Variants in ADAMTS6 observed in about 807,000 individuals in gnomAD.
The protein encoded by ADAMTS6 is A disintegrin and metalloproteinase with thrombospondin motifs 6.
Under a neutral mutation model 144.3 loss-of-function variants are expected in ADAMTS6, and 23 were observed. The observed-to-expected ratio is 0.16, with a 90% CI of 0.11 to 0.23. The LOEUF (loss-of-function observed/expected upper bound fraction) is 0.23. Among genes scored for constraint, ADAMTS6 ranks in the 10% least tolerant of loss-of-function variants. ADAMTS6 has a pLI of 1.00. For missense variants in ADAMTS6, 999 were observed against 1,379.6 expected, an observed-to-expected ratio of 0.72 and a Z score of 4.37; for synonymous variants, 444 against 457.5, an observed-to-expected ratio of 0.97 and a Z score of 0.38.
At chr5:65,377,890 C>T (rs948494393) in intron 7 of ADAMTS6, among the ~76,000 whole-genome samples, 28 of 152,156 alleles carry the variant, frequency 1.8e-4, no homozygotes, top group African/African-American at 6.8e-4. Context: ...AAGGGAGAAT[C>T]CTTCCTTGCC....
At chr5:65,419,135 A>G (rs547960551) in intron 7 of ADAMTS6, among the ~76,000 whole-genome samples, 1 of 152,338 alleles carries the variant, frequency 6.6e-6, no homozygotes, top group African/African-American at 2.4e-5. Context: ...TAGCAAAGAC[A>G]TGTTATCAAC....
intron 18 of ADAMTS6, among the ~76,000 whole-genome samples, chr5:65,217,717 T>C (rs1431792956): frequency 6.6e-6 from 1 of 152,164 alleles, no homozygotes; most frequent in East Asian, 1.9e-4. Context: ...TTTTAAAAGC[T>C]TTAAGAGAAA....
chr5:65,152,585 GTCT>G (rs961051258), intron 24 of ADAMTS6, among the ~76,000 whole-genome samples: 5 of 152,222 alleles, frequency 3.3e-5, no homozygotes, highest in African/African-American at 1.2e-4. Flanking sequence ...GTGAGACATG[GTCT>G]TCTTTTTTCC....
chr5:65,214,154 T>G lies in ADAMTS6; in HGVS notation c.2575+640A>C. On this transcript the variant is annotated intron_variant, in intron 20 of 24. Coordinates refer to ENST00000381055, the MANE Select transcript of ADAMTS6 (RefSeq NM_197941.4). This position sits in a 1 kb window ranked among gnomAD's most constrained non-coding sequence, Gnocchi z 4.6. ...AGAGGGAGGAGGATTAGGAATAGAG[T>G]AAATTGTAGGGAAAAGGCACCCATG... 5.7e-6 allele frequency: 1 copy of G among 175,458 alleles called. No homozygotes were observed. The highest frequency in any genetic ancestry group is 5.9e-5 in the Admixed American group (1 of 16,962). 10.9% of individuals were successfully genotyped at this position (175,458 alleles called of 1,614,324 possible). A position where few individuals can be genotyped will look rare whatever the true frequency, so the allele number is the denominator to read the frequency against.
rs1755427124 is a variant in ADAMTS6, at chr5:65,196,963, C to T, written c.2705+59G>A. On this transcript the variant is annotated intron_variant, in intron 21 of 24. Coordinates refer to ENST00000381055, the MANE Select transcript of ADAMTS6 (RefSeq NM_197941.4). Reference sequence around the variant, plus strand: ...ATAAATATATTTCCAAACATGAATACATAATGTTTTTCTCTTTGCACCTGA... The same window carrying T: ...ATAAATATATTTCCAAACATGAATATATAATGTTTTTCTCTTTGCACCTGA... 25 of 1,566,224 alleles carry T rather than the reference C, an allele frequency of 1.6e-5. No homozygotes were observed. The South Asian group carries it at 2.9e-4, about 18-fold the overall frequency.
intron 9 of ADAMTS6, among the ~76,000 whole-genome samples, chr5:65,320,062 C>T (rs770463732): frequency 2.6e-5 from 4 of 152,106 alleles, no homozygotes; most frequent in Admixed American, 6.5e-5. Context: ...AGGCTGGTCT[C>T]GAACTCCCCA....
At chr5:65,349,247 G>T (rs768208489) in intron 7 of ADAMTS6, among the ~76,000 whole-genome samples, 1 of 152,044 alleles carries the variant, frequency 6.6e-6, no homozygotes, top group Admixed American at 6.5e-5. Context: ...CTGCTAGGCA[G>T]TACCTTGGAA....
chr5:65,338,471 C>T (rs1747512785), intron 7 of ADAMTS6, among the ~76,000 whole-genome samples: 1 of 152,268 alleles, frequency 6.6e-6, no homozygotes, highest in Non-Finnish European at 1.5e-5. Flanking sequence ...CTAGGCATGG[C>T]TATCAGAAGA....
At chr5:65,188,328 A>T (rs1028963328) in intron 21 of ADAMTS6, 108 bp from the exon 22 acceptor site, 1 of 1,021,602 alleles carries the variant, frequency 9.8e-7, no homozygotes, top group Admixed American at 2.0e-5. Flanking sequence ...TGACATTTCA[A>T]TGTTGGTTAA....
chr5:65,467,260 G>GA (rs917284553), intron 3 of ADAMTS6, among the ~76,000 whole-genome samples: 3 of 151,864 alleles, frequency 2.0e-5, no homozygotes, highest in Non-Finnish European at 4.4e-5. Flanking sequence ...CAGGGAGGAA[G>GA]AAAAAATTAA....
intron 9 of ADAMTS6, among the ~76,000 whole-genome samples, chr5:65,320,663 C>T (rs1359865117): frequency 6.6e-6 from 1 of 151,722 alleles, no homozygotes; most frequent in Non-Finnish European, 1.5e-5. Flanking sequence ...CTAATACATC[C>T]AGGTTTAAAA....
intron 7 of ADAMTS6, among the ~76,000 whole-genome samples, chr5:65,342,662 C>A (rs773115248): frequency 2.0e-4 from 30 of 152,258 alleles, no homozygotes; most frequent in Non-Finnish European, 3.5e-4. Context: ...TGCATATTCT[C>A]ACCACTCTTG....
chr5:65,404,445 T>A (rs1006118573), intron 7 of ADAMTS6, among the ~76,000 whole-genome samples: 7 of 152,204 alleles, frequency 4.6e-5, no homozygotes, highest in Admixed American at 1.3e-4. Context: ...GGTTTCCAGC[T>A]TCATCCATGT....
At chr5:65,152,070 C>T (rs1243252620) in intron 24 of ADAMTS6, 125 bp from the exon 25 acceptor site, 6 of 689,884 alleles carry the variant, frequency 8.7e-6, no homozygotes, top group Non-Finnish European at 1.5e-5. Flanking sequence ...CTTCGACCTC[C>T]ATGTGGTTTT....
rs1473760947 is a variant in ADAMTS6, at chr5:65,225,159, A to G, written c.2068-112T>C. 5.6e-6 allele frequency: 7 copies of G among 1,245,732 alleles called. No homozygotes were observed. The African/African-American group carries it at 1.1e-4, about 19-fold the overall frequency. The allele number at this position is 1,245,732 out of a possible 1,614,324, so 77.2% of individuals were successfully genotyped here. On this transcript the variant is annotated intron_variant, in intron 16 of 24. Transcript: ENST00000381055. ...TTGTTTTTCCAGTAAAGAAAAGAAAAATAAGGTAATCCGTGAATAAAAACC... is the reference window on the plus strand; with the variant it reads ...TTGTTTTTCCAGTAAAGAAAAGAAAGATAAGGTAATCCGTGAATAAAAACC...
At chr5:65,379,548 C>A (rs1441616798) in intron 7 of ADAMTS6, among the ~76,000 whole-genome samples, 1 of 152,174 alleles carries the variant, frequency 6.6e-6, no homozygotes, top group Non-Finnish European at 1.5e-5. Context: ...TGTGCATATT[C>A]TGTTATGCTT....
intron 18 of ADAMTS6, among the ~76,000 whole-genome samples, chr5:65,220,172 T>C (rs1207874471): frequency 6.6e-6 from 1 of 152,080 alleles, no homozygotes; most frequent in East Asian, 1.9e-4. Context: ...ACAATTAAAC[T>C]AGAAATCAGT....
chr5:65,471,032 T>G lies in ADAMTS6; in HGVS notation c.208A>C (p.Arg70=), dbSNP rs146636694. ...TVKNDKHSRR[R]RSMDPIDPQQ... ...GGATCAATAGGGTCCATACTCCGTC[T>G]TCTCCTTGAGTGTTTATCATTTTTC... is the stretch of plus-strand genomic sequence containing the variant. The change falls in exon 3 of 25, where the codon AGA becomes CGA. Residue 70 remains arginine (R), a synonymous_variant. Coordinates refer to ENST00000381055, the MANE Select transcript of ADAMTS6 (RefSeq NM_197941.4). The G allele has an allele frequency of 1.2e-3, 1,906 of 1,612,608 alleles. 40 individuals are homozygous for G. In the East Asian group the frequency reaches 0.033, roughly 28 times the overall value.
chr5:65,304,096 T>C (rs1743712027), intron 9 of ADAMTS6, among the ~76,000 whole-genome samples: 1 of 152,244 alleles, frequency 6.6e-6, no homozygotes, highest in Admixed American at 6.5e-5. Flanking sequence ...AGGTGTCAGA[T>C]GCAGATAGTT....
Sources: gnomAD v4.1 joint callset for allele counts (sites outside exome capture counted in the v4.1 genomes callset) on GRCh38, gnomAD v4.1.1 for gene constraint, Gnocchi (gnomAD v3.1) non-coding constraint, MANE v1.5 for transcripts, NCBI Gene and HGNC (gene_info 2026-07-23, HGNC 2026-07-21) for gene names.